PIGS: variants seen among roughly 807,000 people sequenced by gnomAD.
PIGS encodes the protein GPI-anchor transamidase component PIGS.
Under a neutral mutation model 58.2 loss-of-function variants are expected in PIGS, and 37 were observed. That is an observed-to-expected ratio of 0.64 (90% confidence interval 0.49 to 0.84). The LOEUF is 0.84. Among genes scored for constraint, PIGS ranks in the 40% least tolerant of loss-of-function variants. The pLI is 0.00. For synonymous variants in PIGS, 269 were observed against 289.2 expected, an observed-to-expected ratio of 0.93 and a Z score of 0.71; for missense variants, 629 against 710.8, an observed-to-expected ratio of 0.88 and a Z score of 1.31.
At chr17:28,556,572 C>T (rs1488954494) in intron 9 of PIGS, 1 of 710,482 alleles carries the variant, frequency 1.4e-6, no homozygotes. Context: ...ACAAATAAGG[C>T]GAAGATCTAA....
Position 28,570,845 on chromosome 17 carries a change from A to T in PIGS, c.286+7T>A. 1 of 1,614,054 alleles carries T rather than the reference A, an allele frequency of 6.2e-7. No individual in the cohort carries two copies. The highest frequency in any genetic ancestry group is 8.5e-7 in the Non-Finnish European group (1 of 1,179,898). On this transcript the variant is annotated splice_region_variant and intron_variant, in intron 3 of 11. Transcript: ENST00000308360. ...GCGAAAAGCAGCCCTGATCCCCAGTAACTCACATTTCAGAGGAATCTCTCT... is the reference window on the plus strand; with the variant it reads ...GCGAAAAGCAGCCCTGATCCCCAGTTACTCACATTTCAGAGGAATCTCTCT...
chr17:28,569,941 T>C (rs2070417251), intron 3 of PIGS, among the ~76,000 whole-genome samples: 1 of 152,178 alleles, frequency 6.6e-6, no homozygotes, highest in Admixed American at 6.5e-5. Context: ...TTGCCTGAAA[T>C]TCTCTCCCTC....
At position 28,553,639 on chromosome 17, in the gene PIGS, GACAC is replaced by G. The variant is rs371988281; in HGVS notation, c.*577_*580del. ...AAATCTGGAACTTTCTGGAACCTCT[GACAC>G]ACACACACACACACACACACACACA... On this transcript the variant is annotated 3_prime_UTR_variant, in exon 12 of 12. Coordinates refer to ENST00000308360, the MANE Select transcript of PIGS (RefSeq NM_033198.4). 2.3e-3 allele frequency: 336 copies of G among 144,584 alleles called. 4 individuals are homozygous for G. The highest frequency in any genetic ancestry group is 5.3e-3 in the African/African-American group (204 of 38,504). The allele number at this position is 144,584 out of a possible 1,614,324, so 9.0% of individuals were successfully genotyped here.
chr17:28,569,160 C>A (rs1171899407), intron 3 of PIGS, among the ~76,000 whole-genome samples: 5 of 147,318 alleles, frequency 3.4e-5, no homozygotes, highest in East Asian at 2.0e-4. Context: ...CTGAACCATA[C>A]GAAATATCAT....
Position 28,554,275 on chromosome 17 carries a change from A to T in PIGS, c.1613T>A (p.Val538Asp). The change falls in exon 12 of 12, where the codon GTC (valine) becomes GAC (aspartate). Residue 538 changes from valine to aspartate, a missense_variant. Physicochemically the swap from Val to Asp is radical, Grantham distance 152. Coordinates refer to ENST00000308360, the MANE Select transcript of PIGS (RefSeq NM_033198.4). ...PMAVPILLSL[V>D]KIFLETRKSW... is the part of the protein sequence containing the mutation. ...CTTGCGGGTCTCCAGGAAGATCTTGACCAGGGACAGGAGGATGGGCACAGC... is the reference window on the plus strand; with the variant it reads ...CTTGCGGGTCTCCAGGAAGATCTTGTCCAGGGACAGGAGGATGGGCACAGC... 6.2e-7 allele frequency: 1 copy of T among 1,614,182 alleles called. No individual in the cohort carries two copies.
At position 28,557,016 on chromosome 17, in the gene PIGS, T is replaced by C. The variant is rs773680692; in HGVS notation, c.935-44A>G. Reference sequence around the variant, plus strand: ...GCAGAATATCAAAACATGCTGGACCTGGACCTTAGTCCCAGGTCGGCCTCT... The same window carrying C: ...GCAGAATATCAAAACATGCTGGACCCGGACCTTAGTCCCAGGTCGGCCTCT... On this transcript the variant is annotated intron_variant, in intron 8 of 11. Transcript: ENST00000308360. The C allele has an allele frequency of 2.5e-6, 4 of 1,610,938 alleles. No individual in the cohort carries two copies. The Admixed American group carries it at 5.0e-5, about 20-fold the overall frequency.
chr17:28,566,271 C>CTTTTTTTTTTTTT (rs57310687), intron 3 of PIGS, among the ~76,000 whole-genome samples: 1 of 97,808 alleles, frequency 1.0e-5, no homozygotes, highest in Non-Finnish European at 1.9e-5. Flanking sequence ...TTTTTCTTTT[C>CTTTTTTTTTTTTT]TTTTTTTTTT....
intron 9 of PIGS, 41 bp downstream of exon 9, chr17:28,556,786 C>T (rs1361274073): frequency 6.3e-7 from 1 of 1,586,774 alleles, no homozygotes. Flanking sequence ...CTGCCTGTCC[C>T]AGAAGCATGG....
chr17:28,560,203 G>A lies in PIGS; in HGVS notation c.677-12C>T, dbSNP rs1457587516. The A allele has an allele frequency of 1.2e-6, 2 of 1,608,700 alleles. No individual in the cohort carries two copies. Among genetic ancestry groups the A allele is most frequent in the Non-Finnish European group, 1.7e-6 (2 of 1,177,990 alleles). ...GGTGATCTCATAGCCTACAGAAACAGGAGTCAGGGAAGTCAGAGGCTCTTG... is the reference window on the plus strand; with the variant it reads ...GGTGATCTCATAGCCTACAGAAACAAGAGTCAGGGAAGTCAGAGGCTCTTG... On this transcript the variant is annotated splice_polypyrimidine_tract_variant and intron_variant, in intron 6 of 11. Transcript: ENST00000308360.
chr17:28,558,821 C>T (rs1202871678), intron 7 of PIGS, among the ~76,000 whole-genome samples: 3 of 152,132 alleles, frequency 2.0e-5, no homozygotes, highest in African/African-American at 7.2e-5. Context: ...TCCTAACAGT[C>T]TACACAAAGA....
intron 8 of PIGS, 73 bp downstream of exon 8, chr17:28,558,403 C>A: frequency 7.9e-7 from 1 of 1,263,888 alleles, no homozygotes; most frequent in African/African-American, 1.5e-5. Context: ...ACTCCTGTCC[C>A]CTACCCAGCT....
chr17:28,563,477 G>A lies in PIGS; in HGVS notation c.422C>T (p.Ser141Phe). ...LDEPQEQAEG[S>F]LTVYVISEHS... ...TTCAGATATCACGTACACAGTCAGG[G>A]AGCCCTCCGCTTGTTCCTGAGGCTC... The change falls in exon 5 of 12, where the codon TCC becomes TTC. Residue 141 changes from serine (S) to phenylalanine (F), a missense_variant. Transcript: ENST00000308360. 1 of 1,614,066 alleles carries A rather than the reference G, an allele frequency of 6.2e-7. No individual in the cohort carries two copies.
In PIGS at chr17:28,571,139, G is replaced by A. The variant is rs760060063; in HGVS notation, c.84C>T (p.Ile28=). The A allele has an allele frequency of 1.4e-5, 22 of 1,613,688 alleles. No individual in the cohort carries two copies. Among genetic ancestry groups the A allele is most frequent in the African/African-American group, 6.7e-5 (5 of 74,946 alleles). Residue 28 remains isoleucine, a synonymous_variant, in exon 2 of 12, where the codon ATC becomes ATT. Transcript: ENST00000308360. ...RAALFFAAVA[I]VLGLPLWWKT... is the part of the protein sequence containing the mutation. ...TCCACCAGAGCGGTAGCCCCAGCAC[G>A]ATGGCCACCGCAGCGAAGAAGAGGG...
At chr17:28,565,152 A>G (rs1443537302) in intron 3 of PIGS, among the ~76,000 whole-genome samples, 3 of 152,226 alleles carry the variant, frequency 2.0e-5, no homozygotes, top group African/African-American at 4.8e-5. Flanking sequence ...TAGAACTAGC[A>G]ACAGTTCAAT....
chr17:28,561,040 G>C (rs1013522203), intron 6 of PIGS, among the ~76,000 whole-genome samples: 1 of 152,014 alleles, frequency 6.6e-6, no homozygotes, highest in South Asian at 2.1e-4. Context: ...GGCAGATCAC[G>C]AGGTCAGGAG....
chr17:28,556,913 CA>C lies in PIGS; in HGVS notation c.993del (p.Ala332HisfsTer45), dbSNP rs748862229. On this transcript the variant is annotated frameshift_variant, in exon 9 of 12. Coordinates refer to ENST00000308360, the MANE Select transcript of PIGS (RefSeq NM_033198.4). LOFTEE classifies it high-confidence loss of function. ...VLNFLLYVPELAHSPLYIQDK... is the reference protein window; with the variant it reads ...VLNFLLYVPEXAHSPLYIQDK... ...TCCTGAATGTACAGCGGTGAGTGTG[CA>C]AGCTCAGGCACGTAGAGTAGAAAGT... The C allele has an allele frequency of 1.5e-5, 24 of 1,614,036 alleles. No homozygotes were observed. The highest frequency in any genetic ancestry group is 1.9e-5 in the Non-Finnish European group (22 of 1,180,028).
chr17:28,554,611 G>C, intron 11 of PIGS, 116 bp from the exon 12 acceptor site: 1 of 1,354,118 alleles, frequency 7.4e-7, no homozygotes, highest in Non-Finnish European at 1.0e-6. Context: ...GTTCATCCAG[G>C]ATCTATGGAA....
chr17:28,566,758 G>A lies in PIGS; in HGVS notation c.287-2851C>T, dbSNP rs145916273. Among the ~76,000 whole-genome samples, 912 of 152,008 alleles carry A rather than the reference G, an allele frequency of 6.0e-3. 5 individuals are homozygous for A. The highest frequency in any genetic ancestry group is 0.02 in the African/African-American group (817 of 41,446). The stretch of plus-strand genomic sequence containing the variant: ...ACAGGCACACACCACCACACCCAGC[G>A]AATTTGTGTATGTTTAGTGGAGAAG... On this transcript the variant is annotated intron_variant, in intron 3 of 11. Transcript: ENST00000308360.
rs562187352 is a variant in PIGS, at chr17:28,558,569, C to G, written c.841G>C (p.Gly281Arg). The change falls in exon 8 of 12, where the codon GGG becomes CGG. Residue 281 changes from glycine (G) to arginine (R), a missense_variant. Transcript: ENST00000308360. ...GCTGAGTCAAAGCGGGGATTCACCC[C>G]CAACATTGCATAGTAAAGAATCTGT... ...DSQILYYAML[G>R]VNPRFDSASS... is the part of the protein sequence containing the mutation. 2.4e-5 allele frequency: 39 copies of G among 1,611,680 alleles called. No homozygotes were observed. Among genetic ancestry groups the G allele is most frequent in the African/African-American group, 4.0e-5 (3 of 74,862 alleles).
Sources: allele counts gnomAD v4.1 joint callset (sites outside exome capture counted in the v4.1 genomes callset), GRCh38; gene constraint gnomAD v4.1.1; transcripts MANE v1.5; gene names NCBI Gene and HGNC (gene_info 2026-07-23, HGNC 2026-07-21).